The following UBE2G1 variants were observed in gnomAD, a reference collection of about 807,000 sequenced individuals.
The protein encoded by UBE2G1 is ubiquitin conjugating enzyme E2 G1.
In UBE2G1, 5 loss-of-function variants were observed where a neutral mutation model predicts 22.7. That is an observed-to-expected ratio of 0.22 (90% confidence interval 0.12 to 0.46). The LOEUF is 0.46. Among genes scored for constraint, UBE2G1 ranks in the 20% least tolerant of loss-of-function variants. UBE2G1 has a pLI of 0.99. For synonymous variants in UBE2G1, 74 were observed against 67.5 expected (o/e 1.10, Z -0.47); for missense variants, 88 against 203.9 (o/e 0.43, Z 3.46).
intron 4 of UBE2G1, among the ~76,000 whole-genome samples, chr17:4,284,208 G>C (rs1271529107): frequency 6.7e-6 from 1 of 149,162 alleles, no homozygotes; most frequent in Admixed American, 6.7e-5. Context: ...TTGAAAGTCT[G>C]TATACTCAAC....
intron 1 of UBE2G1, among the ~76,000 whole-genome samples, chr17:4,332,081 G>C (rs796219611): frequency 5.9e-5 from 9 of 152,264 alleles, no homozygotes; most frequent in African/African-American, 2.2e-4. Context: ...TAGGCCTCTT[G>C]AATCACTGGT....
intron 1 of UBE2G1, among the ~76,000 whole-genome samples, chr17:4,362,892 G>A (rs887249174): frequency 6.6e-6 from 1 of 152,104 alleles, no homozygotes. Flanking sequence ...GGAGGCCGAG[G>A]TGGGTGGATC....
Position 4,301,925 on chromosome 17 carries a change from G to T in UBE2G1, c.149+5096C>A, listed in dbSNP as rs142295233. The T allele has an allele frequency of 9.6e-4, 467 of 486,464 alleles. 2 individuals carry two copies. Among genetic ancestry groups the T allele is most frequent in the African/African-American group, 8.5e-3 (432 of 50,592 alleles). The allele number at this position is 486,464 out of a possible 1,614,324, so 30.1% of individuals were successfully genotyped here. A position where few individuals can be genotyped will look rare whatever the true frequency, so the allele number is the denominator to read the frequency against. On this transcript the variant is annotated intron_variant, in intron 2 of 5. Transcript: ENST00000396981. ...TTCTGCTGGTCACACAACCCCTGGG[G>T]TCACACTTAAGATTGGGGGTATAAA...
At chr17:4,317,210 C>T (rs1436065840) in intron 1 of UBE2G1, among the ~76,000 whole-genome samples, 2 of 151,982 alleles carry the variant, frequency 1.3e-5, no homozygotes, top group African/African-American at 4.8e-5. Context: ...ATTAGCCAGG[C>T]GTGGTAGCGG....
At chr17:4,353,006 C>T (rs2143819695) in intron 1 of UBE2G1, among the ~76,000 whole-genome samples, 1 of 152,246 alleles carries the variant, frequency 6.6e-6, no homozygotes, top group African/African-American at 2.4e-5. Flanking sequence ...ATCACGAGGT[C>T]AGGAGATCGA....
chr17:4,358,207 C>T (rs984006019), intron 1 of UBE2G1, among the ~76,000 whole-genome samples: 1 of 152,050 alleles, frequency 6.6e-6, no homozygotes, highest in African/African-American at 2.4e-5. Context: ...TAATGTTGAA[C>T]ATGTTGTCAC....
At chr17:4,283,406 A>G (rs1310123991) in intron 4 of UBE2G1, among the ~76,000 whole-genome samples, 2 of 152,182 alleles carry the variant, frequency 1.3e-5, no homozygotes, top group African/African-American at 4.8e-5. Context: ...AGGCTGAGGC[A>G]GGAAAATCGC....
Position 4,366,370 on chromosome 17 carries a change from G to A in UBE2G1, c.-54C>T, listed in dbSNP as rs986170566. The A allele has an allele frequency of 3.3e-5, 47 of 1,439,066 alleles. No individual in the cohort carries two copies. Among genetic ancestry groups the A allele is most frequent in the Non-Finnish European group, 4.1e-5 (45 of 1,102,706 alleles). 89.1% of individuals were successfully genotyped at this position (1,439,066 alleles called of 1,614,324 possible). ...CGGGGCTTCCGAAGGGCTGGGGACAGGCTCTGGGGGCGGCTGGAGCGGGGT... is the reference window on the plus strand; with the variant it reads ...CGGGGCTTCCGAAGGGCTGGGGACAAGCTCTGGGGGCGGCTGGAGCGGGGT... On this transcript the variant is annotated 5_prime_UTR_variant, in exon 1 of 6. Transcript: ENST00000396981.
At chr17:4,303,604 A>T (rs1246720584) in intron 2 of UBE2G1, among the ~76,000 whole-genome samples, 1 of 152,206 alleles carries the variant, frequency 6.6e-6, no homozygotes, top group East Asian at 1.9e-4. Flanking sequence ...ACCGCATGGC[A>T]TTACCACTGA....
chr17:4,341,267 C>T (rs1969709160), intron 1 of UBE2G1, among the ~76,000 whole-genome samples: 1 of 152,140 alleles, frequency 6.6e-6, no homozygotes, highest in Non-Finnish European at 1.5e-5. Context: ...AAGTATTAAA[C>T]TTAATACTCA....
intron 3 of UBE2G1, among the ~76,000 whole-genome samples, chr17:4,291,780 T>C (rs1969045146): frequency 6.6e-6 from 1 of 152,236 alleles, no homozygotes; most frequent in South Asian, 2.1e-4. Context: ...CCTTTATTGA[T>C]GCTGTTTAAA....
chr17:4,329,827 C>CTT (rs66696267), intron 1 of UBE2G1, among the ~76,000 whole-genome samples: 2,943 of 147,814 alleles, frequency 0.02, 91 homozygotes, highest in African/African-American at 0.066. Flanking sequence ...TAAAGGTATG[C>CTT]TTTTTTTTTT....
At chr17:4,364,099 C>A (rs989055193) in intron 1 of UBE2G1, 2 of 149,790 alleles carry the variant, frequency 1.3e-5, no homozygotes, top group Non-Finnish European at 3.0e-5. Context: ...CCCATCTCTA[C>A]TAAAAATACA....
intron 1 of UBE2G1, among the ~76,000 whole-genome samples, chr17:4,332,134 T>C (rs1303449555): frequency 1.3e-5 from 2 of 152,204 alleles, no homozygotes; most frequent in Non-Finnish European, 2.9e-5. Context: ...TATATACATA[T>C]ACATAATGTT....
chr17:4,319,157 T>C (rs1053779100), intron 1 of UBE2G1, among the ~76,000 whole-genome samples: 3 of 152,210 alleles, frequency 2.0e-5, no homozygotes, highest in Non-Finnish European at 4.4e-5. Context: ...TAAAATGTCA[T>C]AAATCTATAA....
At chr17:4,315,453 A>T (rs1013432126) in intron 1 of UBE2G1, among the ~76,000 whole-genome samples, 1 of 152,094 alleles carries the variant, frequency 6.6e-6, no homozygotes, top group Non-Finnish European at 1.5e-5. Flanking sequence ...AAAATAAGCT[A>T]CTTTTGGCCG....
In UBE2G1 at chr17:4,271,163, T is replaced by A. The variant is rs910236645; in HGVS notation, c.*1391A>T. On this transcript the variant is annotated 3_prime_UTR_variant, in exon 6 of 6. Coordinates refer to ENST00000396981, the MANE Select transcript of UBE2G1 (RefSeq NM_003342.5). ...GAAAACTGTATGATATGAAATATAT[T>A]GAAGCTCAAACATTAATCACATCCA... The A allele has an allele frequency of 1.3e-5, 2 of 152,428 alleles. No homozygotes were observed. The highest frequency in any genetic ancestry group is 3.8e-4 in the East Asian group (2 of 5,202). The allele number at this position is 152,428 out of a possible 1,614,324, so 9.4% of individuals were successfully genotyped here.
intron 1 of UBE2G1, among the ~76,000 whole-genome samples, chr17:4,342,862 TC>T: frequency 6.6e-6 from 1 of 152,068 alleles, no homozygotes; most frequent in East Asian, 1.9e-4. Flanking sequence ...TCACACAGCC[TC>T]CCCTCCACAC....
rs1968743578 is a variant in UBE2G1 at position 4,270,537 on chromosome 17, G to C, written c.*2017C>G. The C allele has an allele frequency of 7.6e-6, 1 of 130,938 alleles. No individual in the cohort carries two copies. Among genetic ancestry groups the C allele is most frequent in the African/African-American group, 2.9e-5 (1 of 34,914 alleles). The allele number at this position is 130,938 out of a possible 1,614,324, so 8.1% of individuals were successfully genotyped here. A position where few individuals can be genotyped will look rare whatever the true frequency, so the allele number is the denominator to read the frequency against. ...TGCACTCCAGCCTGGGTGACAGAGA[G>C]ACCCAGTTTCTTAAAAAAAAAAAAA... is the stretch of plus-strand genomic sequence containing the variant. On this transcript the variant is annotated 3_prime_UTR_variant, in exon 6 of 6. Coordinates refer to ENST00000396981, the MANE Select transcript of UBE2G1 (RefSeq NM_003342.5).
Sources: gnomAD v4.1 joint callset for allele counts (sites outside exome capture counted in the v4.1 genomes callset) on GRCh38, gnomAD v4.1.1 for gene constraint, MANE v1.5 for transcripts, NCBI Gene and HGNC (gene_info 2026-07-23, HGNC 2026-07-21) for gene names.